The following OTUD7A variants were observed in gnomAD, a reference collection of about 807,000 sequenced individuals.
OTUD7A encodes OTU deubiquitinase 7A.
In OTUD7A, 12 loss-of-function variants were observed where a neutral mutation model predicts 65.7. That is an observed-to-expected ratio of 0.18 (90% CI 0.12 to 0.30). The LOEUF is 0.30. OTUD7A is among the 10% of genes least tolerant of loss of function. The probability of loss-of-function intolerance (pLI) is 1.00; values close to 1 mark genes in which losing one functional copy is unlikely to be tolerated. For missense variants in OTUD7A, 1,148 were observed against 1,304.8 expected, an observed-to-expected ratio of 0.88 and a Z score of 1.85; for synonymous variants, 641 against 586.3, an observed-to-expected ratio of 1.09 and a Z score of -1.35.
At chr15:31,724,393 T>C (rs1285449047) in intron 1 of OTUD7A, among the ~76,000 whole-genome samples, 3 of 152,248 alleles carry the variant, frequency 2.0e-5, no homozygotes, top group Admixed American at 2.0e-4. Flanking sequence ...TTAATGCATC[T>C]GGAAGTAACA....
intron 5 of OTUD7A, among the ~76,000 whole-genome samples, chr15:31,537,830 A>C (rs1310408200): frequency 6.6e-6 from 1 of 152,222 alleles, no homozygotes; most frequent in Non-Finnish European, 1.5e-5. Flanking sequence ...ATCAGGGAGT[A>C]TAGGGAACAT....
chr15:31,720,680 G>A (rs999081256), intron 1 of OTUD7A, among the ~76,000 whole-genome samples: 28 of 152,138 alleles, frequency 1.8e-4, no homozygotes, highest in African/African-American at 6.3e-4. Context: ...GATTACAGGC[G>A]TGAGCCACCG....
chr15:31,736,281 G>A lies in OTUD7A; in HGVS notation c.-99-79204C>T, dbSNP rs540412844. Among the ~76,000 whole-genome samples the A allele has an allele frequency of 5.3e-4, 80 of 152,254 alleles. 1 individual carries two copies. The South Asian group carries it at 0.016, about 30-fold the overall frequency. On this transcript the variant is annotated intron_variant, in intron 1 of 12. Transcript: ENST00000307050. ...TTACACTTGTAGTTGCACTAGCAAT[G>A]GGTGAGGGTAACTCCACCCCCCCAA...
At chr15:31,592,355 ATATCC>A (rs1889751565) in intron 3 of OTUD7A, among the ~76,000 whole-genome samples, 1 of 151,878 alleles carries the variant, frequency 6.6e-6, no homozygotes, top group Non-Finnish European at 1.5e-5. Flanking sequence ...TTCTTTCTTT[ATATCC>A]TTATTCTATA....
At chr15:31,491,193 G>A (rs115210628) in intron 10 of OTUD7A, among the ~76,000 whole-genome samples, 258 of 151,472 alleles carry the variant, frequency 1.7e-3, no homozygotes, top group African/African-American at 6.0e-3. Flanking sequence ...ACTCAGATAT[G>A]ACACAGGTGT....
intron 3 of OTUD7A, among the ~76,000 whole-genome samples, chr15:31,650,065 A>T (rs1017327841): frequency 8.8e-6 from 1 of 113,102 alleles, no homozygotes; most frequent in Non-Finnish European, 1.7e-5. Context: ...TTCTTCTAAA[A>T]TTTTTTCTTC....
At chr15:31,580,267 C>T (rs559528560) in intron 3 of OTUD7A, among the ~76,000 whole-genome samples, 116 of 152,082 alleles carry the variant, frequency 7.6e-4, no homozygotes, top group Non-Finnish European at 1.5e-3. Flanking sequence ...GGTAGCAGGG[C>T]GGCAGGGAGG....
At chr15:31,666,884 G>C (rs914196325) in intron 1 of OTUD7A, among the ~76,000 whole-genome samples, 9 of 152,066 alleles carry the variant, frequency 5.9e-5, no homozygotes, top group African/African-American at 2.2e-4. Context: ...TTACATTTTT[G>C]ACCCAATGCT....
intron 1 of OTUD7A, among the ~76,000 whole-genome samples, chr15:31,669,732 C>T (rs1246440026): frequency 6.6e-6 from 1 of 152,058 alleles, no homozygotes; most frequent in East Asian, 1.9e-4. Context: ...TGGTGTTTTT[C>T]CCCCCTCCTC....
Position 31,562,362 on chromosome 15 carries a change from G to T in OTUD7A, c.332-3175C>A, listed in dbSNP as rs144499483. Among the ~76,000 whole-genome samples the T allele has an allele frequency of 3.2e-3, 481 of 152,316 alleles. 5 individuals carry two copies. The highest frequency in any genetic ancestry group is 0.01 in the African/African-American group (421 of 41,560). ...TTTGCCCTAAGCACTTCAGGCCAGG[G>T]ACCAGGCAGCCGGAGACAGGCCCTG... On this transcript the variant is annotated intron_variant, in intron 4 of 12. Transcript: ENST00000307050.
intron 1 of OTUD7A, among the ~76,000 whole-genome samples, chr15:31,853,540 G>A (rs1897483952): frequency 6.6e-6 from 1 of 152,250 alleles, no homozygotes; most frequent in Non-Finnish European, 1.5e-5. Flanking sequence ...CCCGCCAGGA[G>A]AAATGGCCTA....
At chr15:31,824,056 C>T (rs919279282) in intron 1 of OTUD7A, among the ~76,000 whole-genome samples, 5 of 152,276 alleles carry the variant, frequency 3.3e-5, no homozygotes, top group Admixed American at 3.3e-4. Flanking sequence ...AAGACACAGT[C>T]CAAGGCATGA....
chr15:31,749,645 C>T (rs779472556), intron 1 of OTUD7A, among the ~76,000 whole-genome samples: 1 of 152,060 alleles, frequency 6.6e-6, no homozygotes, highest in Non-Finnish European at 1.5e-5. Context: ...AAAACTAGAA[C>T]AACATGAGGA....
chr15:31,846,964 T>C (rs771771074), intron 1 of OTUD7A, among the ~76,000 whole-genome samples: 2 of 152,118 alleles, frequency 1.3e-5, no homozygotes, highest in African/African-American at 2.4e-5. Flanking sequence ...AATTTAGAGA[T>C]AGAGACAATG....
chr15:31,512,155 G>GT (rs2041764671), intron 8 of OTUD7A, among the ~76,000 whole-genome samples: 1 of 151,750 alleles, frequency 6.6e-6, no homozygotes, highest in Admixed American at 6.6e-5. Context: ...CTTTACCGGT[G>GT]TTTTTTCCTG....
chr15:31,827,143 T>G (rs1266968088), intron 1 of OTUD7A, among the ~76,000 whole-genome samples: 2 of 152,234 alleles, frequency 1.3e-5, no homozygotes, highest in African/African-American at 4.8e-5. Context: ...ACCAATTTAC[T>G]GTATTAGTCC....
intron 3 of OTUD7A, among the ~76,000 whole-genome samples, chr15:31,605,581 C>G (rs1890216113): frequency 6.6e-6 from 1 of 152,200 alleles, no homozygotes; most frequent in African/African-American, 2.4e-5. Context: ...TCCTATTGGG[C>G]AAAGCCATTA....
At chr15:31,802,342 C>A (rs1296227973) in intron 1 of OTUD7A, among the ~76,000 whole-genome samples, 1 of 152,032 alleles carries the variant, frequency 6.6e-6, no homozygotes, top group African/African-American at 2.4e-5. Flanking sequence ...GCCAGTCTCT[C>A]CTTTTCACGT....
intron 3 of OTUD7A, among the ~76,000 whole-genome samples, chr15:31,645,504 G>A (rs6493840): frequency 0.6 from 90,531 of 151,958 alleles, 28,833 homozygotes; most frequent in East Asian, 0.91. Context: ...CCACCCATTC[G>A]CCTGTCCCCA....
Sources: allele counts gnomAD v4.1 joint callset (sites outside exome capture counted in the v4.1 genomes callset), GRCh38; gene constraint gnomAD v4.1.1; transcripts MANE v1.5; gene names NCBI Gene and HGNC (gene_info 2026-07-23, HGNC 2026-07-21).